Variants in ARMH1 observed in about 807,000 individuals in gnomAD.
ARMH1 encodes armadillo-like helical domain containing protein 1.
ARMH1 carries 34 observed loss-of-function variants against 50.2 expected under a neutral mutation model. The observed-to-expected ratio is 0.68, with a 90% CI of 0.51 to 0.90. The LOEUF (loss-of-function observed/expected upper bound fraction) is 0.90, where lower values mean the gene tolerates loss of function less well. Ranked by LOEUF, ARMH1 falls within the 40% of genes least tolerant of loss-of-function variation. The probability of loss-of-function intolerance (pLI) is 0.00; values close to 1 mark genes in which losing one functional copy is unlikely to be tolerated. For missense variants in ARMH1, 538 were observed against 553.9 expected (o/e 0.97, Z 0.29); for synonymous variants, 221 against 224.2 (o/e 0.99, Z 0.13).
intron 6 of ARMH1, among the ~76,000 whole-genome samples, chr1:44,713,070 G>A (rs1354612468): frequency 1.3e-5 from 2 of 148,374 alleles, no homozygotes; most frequent in Admixed American, 6.7e-5. Flanking sequence ...AGGCTGGAGT[G>A]CAATGGCAAG....
At position 44,683,765 on chromosome 1, in the gene ARMH1, C is replaced by T. The variant is rs7532001; in HGVS notation, c.-22-5911C>T. 0.063 allele frequency among the ~76,000 whole-genome samples: 9,568 copies of T among 152,156 alleles called. 697 individuals carry two copies. Among genetic ancestry groups the T allele is most frequent in the African/African-American group, 0.17 (6,864 of 41,486 alleles). On this transcript the variant is annotated intron_variant, in intron 1 of 11. Transcript: ENST00000535358. The surrounding 1 kb of genome is among the most constrained non-coding windows in gnomAD (Gnocchi z 4.2). ...ATCCCATTCCCATCCCTATTTGAGA[C>T]CTTCAATAAATGAGCAAACCCTTCT...
chr1:44,704,020 C>G (rs1646221160), intron 5 of ARMH1, 69 bp from the exon 6 acceptor site: 1 of 1,359,784 alleles, frequency 7.4e-7, no homozygotes, highest in Admixed American at 2.1e-5. Context: ...GCCACCGCAC[C>G]CGGCCGGGAA....
chr1:44,698,042 CTT>C lies in ARMH1; in HGVS notation c.276-18_276-17del. On this transcript the variant is annotated intron_variant, in intron 3 of 11. Transcript: ENST00000535358. Reference sequence around the variant, plus strand: ...GAACTTGACAAGAGTTTTATTTCTACTTTTCTATCCCTCTGGACAGTAATCGG... The same window carrying C: ...GAACTTGACAAGAGTTTTATTTCTACTTCTATCCCTCTGGACAGTAATCGG... The C allele has an allele frequency of 1.3e-6, 2 of 1,506,204 alleles. No individual in the cohort carries two copies. The highest frequency in any genetic ancestry group is 1.8e-6 in the Non-Finnish European group (2 of 1,119,350). The allele number at this position is 1,506,204 out of a possible 1,614,324, so 93.3% of individuals were successfully genotyped here.
Position 44,681,076 on chromosome 1 carries a change from G to C in ARMH1, c.-23+6203G>C, listed in dbSNP as rs909849490. On this transcript the variant is annotated intron_variant, in intron 1 of 11. Transcript: ENST00000535358. The surrounding 1 kb of genome is among the most constrained non-coding windows in gnomAD (Gnocchi z 4.3). ...GTGGCGTGATCTCGGCTCACTGCAA[G>C]CTCCACCTCCCGGGTTCACGCCATT... Among the ~76,000 whole-genome samples the C allele has an allele frequency of 7.4e-5, 11 of 148,900 alleles. No individual in the cohort carries two copies. Among genetic ancestry groups the C allele is most frequent in the African/African-American group, 2.7e-4 (11 of 40,010 alleles).
chr1:44,690,209 C>T (rs913051389), intron 2 of ARMH1, among the ~76,000 whole-genome samples: 13 of 152,082 alleles, frequency 8.5e-5, no homozygotes, highest in Admixed American at 3.3e-4. Context: ...CAGAGTGAGA[C>T]TCTGTCTCAA....
intron 1 of ARMH1, among the ~76,000 whole-genome samples, chr1:44,675,256 T>C (rs990150071): frequency 6.6e-6 from 1 of 152,076 alleles, no homozygotes; most frequent in African/African-American, 2.4e-5. Context: ...AGATAAATAC[T>C]ACAGAAGAGT....
Position 44,724,193 on chromosome 1 carries a change from C to T in ARMH1, c.796C>T (p.Leu266=), listed in dbSNP as rs1444823341. 16 of 1,551,720 alleles carry T rather than the reference C, an allele frequency of 1.0e-5. No homozygotes were observed. The highest frequency in any genetic ancestry group is 1.4e-5 in the Non-Finnish European group (16 of 1,146,978). The stretch of plus-strand genomic sequence containing the variant: ...GCTGCTCAAGGGCCTCGTGGCGCTG[C>T]TGATACCGTCGGTCAAGGAGATCTC... ...QALLKGLVAL[L]IPSVKEISKL... The change falls in exon 7 of 12, where the codon CTG becomes TTG. Residue 266 remains leucine, a synonymous_variant. Transcript: ENST00000535358. This position sits in a 1 kb window ranked among gnomAD's most constrained non-coding sequence, Gnocchi z 6.4.
At chr1:44,723,952 C>T (rs1647807764) in intron 6 of ARMH1, 170 bp from the exon 7 acceptor site, 3 of 791,784 alleles carry the variant, frequency 3.8e-6, no homozygotes, top group Admixed American at 3.3e-5. Context: ...CAGCCCCCTC[C>T]TCCTGCTCTT....
At chr1:44,688,665 A>T (rs1373987878) in intron 1 of ARMH1, among the ~76,000 whole-genome samples, 1 of 152,230 alleles carries the variant, frequency 6.6e-6, no homozygotes, top group African/African-American at 2.4e-5. Flanking sequence ...TATGACTTTC[A>T]CTTGTCTGTT....
At chr1:44,695,569 C>T (rs542083394) in intron 2 of ARMH1, among the ~76,000 whole-genome samples, 5 of 152,074 alleles carry the variant, frequency 3.3e-5, no homozygotes, top group Admixed American at 6.5e-5. Context: ...GCAGGAGGAT[C>T]GCTTGAGCCT....
intron 1 of ARMH1, among the ~76,000 whole-genome samples, chr1:44,686,493 C>T (rs996447737): frequency 6.6e-6 from 1 of 151,874 alleles, no homozygotes; most frequent in Admixed American, 6.6e-5. Flanking sequence ...CTGGCCAGCA[C>T]AGCAAAACCC....
intron 6 of ARMH1, among the ~76,000 whole-genome samples, chr1:44,711,076 A>G (rs920210748): frequency 6.6e-6 from 1 of 152,202 alleles, no homozygotes; most frequent in Non-Finnish European, 1.5e-5. Context: ...ATCTACCACA[A>G]TTTGTTTATC....
intron 6 of ARMH1, among the ~76,000 whole-genome samples, chr1:44,704,788 A>C (rs1244886601): frequency 6.6e-6 from 1 of 151,170 alleles, no homozygotes; most frequent in East Asian, 1.9e-4. Flanking sequence ...CTGGGATTAC[A>C]GGCATGAGCC....
At chr1:44,706,565 G>A (rs543627614) in intron 6 of ARMH1, among the ~76,000 whole-genome samples, 1 of 152,256 alleles carries the variant, frequency 6.6e-6, no homozygotes, top group East Asian at 1.9e-4. Context: ...AGCTCTGGAG[G>A]CCACTTCCAA....
At chr1:44,685,464 G>A (rs1027826674) in intron 1 of ARMH1, among the ~76,000 whole-genome samples, 11 of 151,854 alleles carry the variant, frequency 7.2e-5, no homozygotes, top group African/African-American at 2.7e-4. Flanking sequence ...ACAAGTGTGT[G>A]TCACTATACC....
At chr1:44,687,864 G>A (rs952095468) in intron 1 of ARMH1, among the ~76,000 whole-genome samples, 11 of 152,172 alleles carry the variant, frequency 7.2e-5, no homozygotes, top group Non-Finnish European at 1.0e-4. Flanking sequence ...TTGAGGAGCC[G>A]TAATGTGCCC....
chr1:44,704,335 C>T (rs1260188004), intron 6 of ARMH1, among the ~76,000 whole-genome samples, 162 bp downstream of exon 6: 1 of 152,114 alleles, frequency 6.6e-6, no homozygotes, highest in South Asian at 2.1e-4. Context: ...CTATGCCTTG[C>T]GTCAACCACA....
intron 6 of ARMH1, among the ~76,000 whole-genome samples, chr1:44,710,493 C>T (rs1027142895): frequency 4.0e-5 from 6 of 151,176 alleles, no homozygotes; most frequent in African/African-American, 1.5e-4. Flanking sequence ...CCTGTAGTCT[C>T]AGCTACTCGG....
rs957653863 is a variant in ARMH1 at position 44,675,567 on chromosome 1, G to C, written c.-23+694G>C. On this transcript the variant is annotated intron_variant, in intron 1 of 11. Transcript: ENST00000535358. ...AGTCCCAGCTACTTGGAAAGCTGAG[G>C]TGGGAGGATCACTTGAGTCAGGAGG... is the stretch of plus-strand genomic sequence containing the variant. Among the ~76,000 whole-genome samples the C allele has an allele frequency of 2.6e-5, 4 of 152,132 alleles. No individual in the cohort carries two copies. In the South Asian group the frequency reaches 8.3e-4, roughly 32 times the overall value.
Sources: gnomAD v4.1 joint callset for allele counts (sites outside exome capture counted in the v4.1 genomes callset) on GRCh38, gnomAD v4.1.1 for gene constraint, Gnocchi (gnomAD v3.1) non-coding constraint, MANE v1.5 for transcripts, NCBI Gene and HGNC (gene_info 2026-07-23, HGNC 2026-07-21) for gene names.